Variants in KIRREL1 observed in about 807,000 individuals in gnomAD.
KIRREL1 encodes kirre like nephrin family adhesion molecule 1.
Under a neutral mutation model 83.3 loss-of-function variants are expected in KIRREL1, and 25 were observed. That is an observed-to-expected ratio of 0.30 (90% CI 0.22 to 0.42). KIRREL1 has a LOEUF of 0.42. Ranked by LOEUF, KIRREL1 falls within the 10% of genes least tolerant of loss-of-function variation. The probability of loss-of-function intolerance (pLI) is 1.00; values close to 1 mark genes in which losing one functional copy is unlikely to be tolerated. For missense variants in KIRREL1, 812 were observed against 1,032.3 expected, an observed-to-expected ratio of 0.79 and a Z score of 2.92; for synonymous variants, 388 against 410.4, an observed-to-expected ratio of 0.95 and a Z score of 0.66.
chr1:158,038,485 C>CTTTTTTTTTTTTTTTTTTTTTTTTTT (rs11340189), intron 1 of KIRREL1, among the ~76,000 whole-genome samples: 1 of 68,082 alleles, frequency 1.5e-5, no homozygotes, highest in Non-Finnish European at 3.1e-5. Flanking sequence ...GGCTCTTCCT[C>CTTTTTTTTTTTTTTTTTTTTTTTTTT]TTTTTTTTTT....
At chr1:158,065,075 G>A (rs899010730) in intron 1 of KIRREL1, among the ~76,000 whole-genome samples, 3 of 151,996 alleles carry the variant, frequency 2.0e-5, no homozygotes, top group African/African-American at 7.3e-5. Context: ...CCTGGTATCA[G>A]AAGATCTGGA....
At chr1:158,076,048 G>C in intron 1 of KIRREL1, 65 bp from the exon 2 acceptor site, 1 of 1,467,562 alleles carries the variant, frequency 6.8e-7, no homozygotes, top group Non-Finnish European at 9.3e-7. Flanking sequence ...TGCATGGTGA[G>C]GGGGACCTCT....
chr1:158,078,318 G>A (rs1050267932), intron 3 of KIRREL1, among the ~76,000 whole-genome samples, 178 bp downstream of exon 3: 2 of 152,170 alleles, frequency 1.3e-5, no homozygotes, highest in African/African-American at 4.8e-5. Context: ...TGTGGGAGAC[G>A]TGGGGTGCTG....
intron 1 of KIRREL1, among the ~76,000 whole-genome samples, chr1:158,057,725 G>A (rs559039961): frequency 2.6e-5 from 4 of 152,204 alleles, no homozygotes; most frequent in Non-Finnish European, 2.9e-5. Context: ...CTTTGCAGCA[G>A]TTGGTCCCCT....
intron 1 of KIRREL1, among the ~76,000 whole-genome samples, chr1:158,016,163 G>A (rs1659818965): frequency 6.6e-6 from 1 of 152,048 alleles, no homozygotes; most frequent in Admixed American, 6.5e-5. Flanking sequence ...AATTAGACAG[G>A]TGTAGTGGCG....
intron 3 of KIRREL1, among the ~76,000 whole-genome samples, chr1:158,083,150 CA>C (rs1661913043): frequency 6.6e-6 from 1 of 152,170 alleles, no homozygotes; most frequent in South Asian, 2.1e-4. Flanking sequence ...CCCTTGTTTG[CA>C]ACATCATACA....
chr1:158,039,642 C>T (rs1660572845), intron 1 of KIRREL1, among the ~76,000 whole-genome samples: 1 of 152,236 alleles, frequency 6.6e-6, no homozygotes, highest in African/African-American at 2.4e-5. Context: ...CCTGAACCTA[C>T]TGTCCTGCAG....
intron 3 of KIRREL1, 114 bp from the exon 4 acceptor site, chr1:158,084,308 G>T: frequency 9.8e-7 from 1 of 1,017,688 alleles, no homozygotes; most frequent in Non-Finnish European, 1.4e-6. Context: ...GGGTGGTACC[G>T]CCTACCTAGA....
intron 10 of KIRREL1, 85 bp downstream of exon 10, chr1:158,089,903 C>T (rs1662142560): frequency 3.5e-6 from 4 of 1,136,986 alleles, no homozygotes; most frequent in Non-Finnish European, 5.2e-6. Flanking sequence ...GCTGGTTTTG[C>T]TCCTTCAACT....
At chr1:158,058,780 G>T (rs1180652619) in intron 1 of KIRREL1, among the ~76,000 whole-genome samples, 1 of 152,164 alleles carries the variant, frequency 6.6e-6, no homozygotes, top group Admixed American at 6.5e-5. Context: ...ATCCCCTGGG[G>T]AGAGAGTGAC....
chr1:158,023,918 A>T (rs1397282713), intron 1 of KIRREL1, among the ~76,000 whole-genome samples: 2 of 152,042 alleles, frequency 1.3e-5, no homozygotes, highest in Non-Finnish European at 1.5e-5. Flanking sequence ...GTGGGAGGGG[A>T]TGGAAGAGAC....
In KIRREL1 at chr1:158,094,235, G is replaced by A; in HGVS notation, c.1720-78G>A. On this transcript the variant is annotated intron_variant, in intron 13 of 14. Coordinates refer to ENST00000359209, the MANE Select transcript of KIRREL1 (RefSeq NM_018240.7). This position sits in a 1 kb window ranked among gnomAD's most constrained non-coding sequence, Gnocchi z 4.6. Reference sequence around the variant, plus strand: ...CCCCACCCATGAGCAGGTGGCCTCTGAGCGTGGGGAGGGGTTGGTGAGGGG... The same window carrying A: ...CCCCACCCATGAGCAGGTGGCCTCTAAGCGTGGGGAGGGGTTGGTGAGGGG... 7.9e-7 allele frequency: 1 copy of A among 1,262,806 alleles called. No homozygotes were observed. Among genetic ancestry groups the A allele is most frequent in the East Asian group, 2.5e-5 (1 of 40,012 alleles). 78.2% of individuals were successfully genotyped at this position (1,262,806 alleles called of 1,614,324 possible).
intron 4 of KIRREL1, 95 bp downstream of exon 4, chr1:158,084,674 A>G: frequency 7.6e-7 from 1 of 1,312,986 alleles, no homozygotes; most frequent in Non-Finnish European, 1.0e-6. Context: ...AGGAGCACAC[A>G]GACATGAGAG....
chr1:158,038,700 A>T (rs1660542115), intron 1 of KIRREL1, among the ~76,000 whole-genome samples: 1 of 152,118 alleles, frequency 6.6e-6, no homozygotes, highest in Non-Finnish European at 1.5e-5. Context: ...GAGATCTCAC[A>T]AACTGACGAC....
At chr1:157,999,038 G>A (rs1035632413) in intron 1 of KIRREL1, among the ~76,000 whole-genome samples, 4 of 152,084 alleles carry the variant, frequency 2.6e-5, no homozygotes, top group Non-Finnish European at 5.9e-5. Context: ...CCTTCAGCCT[G>A]CCTAGAAGAG....
chr1:158,002,946 T>C (rs1659407843), intron 1 of KIRREL1, among the ~76,000 whole-genome samples: 2 of 152,184 alleles, frequency 1.3e-5, no homozygotes, highest in Non-Finnish European at 2.9e-5. Flanking sequence ...GCAGTTTATA[T>C]AAAGCACACT....
intron 11 of KIRREL1, 84 bp downstream of exon 11, chr1:158,091,640 C>A: frequency 7.6e-7 from 1 of 1,311,350 alleles, no homozygotes; most frequent in Non-Finnish European, 1.1e-6. Context: ...CAGGGCTCAG[C>A]TGCTCCCCTT....
At chr1:158,001,675 T>C (rs1472613957) in intron 1 of KIRREL1, among the ~76,000 whole-genome samples, 1 of 152,082 alleles carries the variant, frequency 6.6e-6, no homozygotes, top group African/African-American at 2.4e-5. Context: ...AGGGAGAGCC[T>C]TACCAGATGG....
At chr1:158,045,504 G>C (rs138721894) in intron 1 of KIRREL1, among the ~76,000 whole-genome samples, 1 of 152,290 alleles carries the variant, frequency 6.6e-6, no homozygotes, top group East Asian at 1.9e-4. Flanking sequence ...TATTACACAG[G>C]ATATAAATCT....
Sources: allele counts gnomAD v4.1 joint callset (sites outside exome capture counted in the v4.1 genomes callset), GRCh38; gene constraint gnomAD v4.1.1; non-coding constraint Gnocchi (gnomAD v3.1); transcripts MANE v1.5; gene names NCBI Gene and HGNC (gene_info 2026-07-23, HGNC 2026-07-21).